PTN: variants seen among roughly 807,000 people sequenced by gnomAD.
PTN encodes the protein pleiotrophin, also known as heparin affin regulatory protein.
In PTN, 18 loss-of-function variants were observed where a neutral mutation model predicts 24.1. That is an observed-to-expected ratio of 0.75 (90% confidence interval 0.52 to 1.11). The LOEUF (loss-of-function observed/expected upper bound fraction) is 1.11. PTN is among the 50% of genes least tolerant of loss of function. PTN has a pLI of 0.00. For missense variants in PTN, 163 were observed against 198.8 expected, an observed-to-expected ratio of 0.82 and a Z score of 1.08; for synonymous variants, 78 against 68.6, an observed-to-expected ratio of 1.14 and a Z score of -0.67.
chr7:137,328,600 A>G (rs1810301058), intron 1 of PTN, among the ~76,000 whole-genome samples: 1 of 152,158 alleles, frequency 6.6e-6, no homozygotes, highest in East Asian at 1.9e-4. Flanking sequence ...GGCCTCCCCA[A>G]GGGATAGAAC....
At chr7:137,301,003 A>G (rs1344329862) in intron 1 of PTN, among the ~76,000 whole-genome samples, 1 of 147,816 alleles carries the variant, frequency 6.8e-6, no homozygotes, top group Non-Finnish European at 1.5e-5. Context: ...AATGCTCTCC[A>G]AACAGCCTCT....
Position 137,302,312 on chromosome 7 carries a change from T to A in PTN, c.-2+41127A>T, listed in dbSNP as rs577447515. On this transcript the variant is annotated intron_variant, in intron 1 of 4. Transcript: ENST00000348225. ...AAAACAGAGGCAACGTACCATGTCC[T>A]CTAAGTTCTAGTTTCCAAGTTGCAT... is the stretch of plus-strand genomic sequence containing the variant. Among the ~76,000 whole-genome samples the A allele has an allele frequency of 6.6e-5, 10 of 152,136 alleles. No individual in the cohort carries two copies. The South Asian group carries it at 1.2e-3, about 19-fold the overall frequency.
At chr7:137,243,273 ACT>A (rs750721239) in intron 4 of PTN, among the ~76,000 whole-genome samples, 2 of 151,988 alleles carry the variant, frequency 1.3e-5, no homozygotes, top group Non-Finnish European at 2.9e-5. Context: ...GCAGAGACAG[ACT>A]CTGTTTTCCA....
At chr7:137,289,044 A>G (rs1809601227) in intron 1 of PTN, among the ~76,000 whole-genome samples, 1 of 152,216 alleles carries the variant, frequency 6.6e-6, no homozygotes, top group South Asian at 2.1e-4. Context: ...TTATTTAATC[A>G]TCGCAATCAC....
At chr7:137,228,511 C>G (rs567836681) in intron 4 of PTN, among the ~76,000 whole-genome samples, 5 of 151,898 alleles carry the variant, frequency 3.3e-5, no homozygotes, top group African/African-American at 1.2e-4. Context: ...CCCCCATTCC[C>G]TTTCCGTAGG....
At chr7:137,281,626 A>C in intron 1 of PTN, among the ~76,000 whole-genome samples, 1 of 152,212 alleles carries the variant, frequency 6.6e-6, no homozygotes, top group Non-Finnish European at 1.5e-5. Context: ...AAAGTTTGAG[A>C]AACTCTTCTA....
chr7:137,263,208 A>G (rs1809074542), intron 1 of PTN, among the ~76,000 whole-genome samples: 1 of 152,170 alleles, frequency 6.6e-6, no homozygotes. Context: ...TCCTATTACT[A>G]TTATAACTCT....
At chr7:137,328,025 T>G (rs994911173) in intron 1 of PTN, among the ~76,000 whole-genome samples, 1 of 152,132 alleles carries the variant, frequency 6.6e-6, no homozygotes, top group African/African-American at 2.4e-5. Flanking sequence ...GAAATAAAAA[T>G]TATATTATCA....
At chr7:137,270,803 G>A (rs1809260520) in intron 1 of PTN, among the ~76,000 whole-genome samples, 1 of 152,100 alleles carries the variant, frequency 6.6e-6, no homozygotes, top group South Asian at 2.1e-4. Context: ...TTTGTGACAA[G>A]AAAATTAAAA....
intron 1 of PTN, among the ~76,000 whole-genome samples, chr7:137,343,231 C>T (rs1355655680): frequency 6.6e-6 from 1 of 152,124 alleles, no homozygotes; most frequent in Non-Finnish European, 1.5e-5. Flanking sequence ...CTAAGCACAC[C>T]CGAACTAACC....
chr7:137,261,883 C>G (rs1351502519), intron 1 of PTN, among the ~76,000 whole-genome samples: 1 of 152,146 alleles, frequency 6.6e-6, no homozygotes, highest in Admixed American at 6.5e-5. Context: ...GCAGGGCCCT[C>G]TCTGGAATGG....
At chr7:137,272,793 G>A (rs1306629199) in intron 1 of PTN, among the ~76,000 whole-genome samples, 2 of 152,150 alleles carry the variant, frequency 1.3e-5, no homozygotes, top group African/African-American at 2.4e-5. Context: ...GAATAACAAA[G>A]CTGTCCTGAA....
intron 1 of PTN, among the ~76,000 whole-genome samples, chr7:137,278,306 C>CAAAAAAAAAAAAAAAAAAAAAA (rs71176391): frequency 3.2e-5 from 2 of 62,844 alleles, no homozygotes; most frequent in African/African-American, 6.9e-5. Context: ...GACTCCGTCT[C>CAAAAAAAAAAAAAAAAAAAAAA]AAAAAAAAAA....
intron 4 of PTN, among the ~76,000 whole-genome samples, chr7:137,238,612 A>G (rs1470381268): frequency 6.6e-6 from 1 of 152,138 alleles, no homozygotes; most frequent in African/African-American, 2.4e-5. Context: ...TTGGTTTGGG[A>G]AGCACTGGTA....
intron 1 of PTN, among the ~76,000 whole-genome samples, chr7:137,289,398 C>G (rs568975445): frequency 6.6e-6 from 1 of 152,224 alleles, no homozygotes; most frequent in South Asian, 2.1e-4. Context: ...AAAGATACTC[C>G]CAAGAACACA....
chr7:137,234,239 A>G (rs1047506690), intron 4 of PTN, among the ~76,000 whole-genome samples: 1 of 151,874 alleles, frequency 6.6e-6, no homozygotes, highest in Non-Finnish European at 1.5e-5. Flanking sequence ...TCTTTTGTAC[A>G]TCAGTTGGAT....
At chr7:137,266,626 T>A (rs560195176) in intron 1 of PTN, among the ~76,000 whole-genome samples, 1 of 151,516 alleles carries the variant, frequency 6.6e-6, no homozygotes, top group South Asian at 2.1e-4. Context: ...CTGCCTCCCC[T>A]TTTTTTTCCT....
At chr7:137,340,905 C>T (rs1009552765) in intron 1 of PTN, among the ~76,000 whole-genome samples, 8 of 152,142 alleles carry the variant, frequency 5.3e-5, no homozygotes, top group Non-Finnish European at 8.8e-5. Context: ...AAGAACAACT[C>T]CCCATATCAT....
intron 1 of PTN, among the ~76,000 whole-genome samples, chr7:137,302,910 T>C (rs1341718792): frequency 6.6e-6 from 1 of 151,960 alleles, no homozygotes; most frequent in Non-Finnish European, 1.5e-5. Context: ...TGCAATTTAG[T>C]TCCTTCATCA....
Sources: gnomAD v4.1 joint callset for allele counts (sites outside exome capture counted in the v4.1 genomes callset) on GRCh38, gnomAD v4.1.1 for gene constraint, MANE v1.5 for transcripts, NCBI Gene and HGNC (gene_info 2026-07-23, HGNC 2026-07-21) for gene names.